IGSF11: variants seen among roughly 807,000 people sequenced by gnomAD.
IGSF11 encodes immunoglobulin superfamily member 11.
A neutral mutation model predicts 41.0 loss-of-function variants in IGSF11; 22 were observed. That is an observed-to-expected ratio of 0.54 (90% CI 0.38 to 0.77). The LOEUF (loss-of-function observed/expected upper bound fraction) is 0.77, where lower values mean the gene tolerates loss of function less well. IGSF11 is among the 30% of genes least tolerant of loss of function. The probability of loss-of-function intolerance (pLI) is 0.00; values close to 1 mark genes in which losing one functional copy is unlikely to be tolerated. For missense variants in IGSF11, 444 were observed against 530.8 expected (o/e 0.84, Z 1.61); for synonymous variants, 219 against 201.3 (o/e 1.09, Z -0.74).
chr3:118,997,614 T>A (rs1390333145), intron 1 of IGSF11, among the ~76,000 whole-genome samples: 1 of 141,422 alleles, frequency 7.1e-6, no homozygotes, highest in African/African-American at 2.6e-5. Context: ...TAATCATGAA[T>A]CTTACCTGAC....
chr3:119,123,473 C>T (rs755598261), intron 1 of IGSF11, among the ~76,000 whole-genome samples: 4 of 152,228 alleles, frequency 2.6e-5, no homozygotes, highest in Non-Finnish European at 5.9e-5. Context: ...CCGCTTGCCA[C>T]CTGCTGATTG....
intron 4 of IGSF11, among the ~76,000 whole-genome samples, chr3:118,916,687 A>G (rs990303492): frequency 1.3e-5 from 2 of 151,968 alleles, no homozygotes; most frequent in African/African-American, 2.4e-5. Context: ...TGTCAACATT[A>G]GACAGATCAA....
chr3:118,970,706 T>C (rs1933293202), intron 1 of IGSF11, among the ~76,000 whole-genome samples: 1 of 150,202 alleles, frequency 6.7e-6, no homozygotes, highest in African/African-American at 2.5e-5. Context: ...CTCATTACTG[T>C]GGTTTTCAAA....
intron 1 of IGSF11, among the ~76,000 whole-genome samples, chr3:118,963,687 G>T (rs2107605666): frequency 6.6e-6 from 1 of 152,252 alleles, no homozygotes; most frequent in Admixed American, 6.5e-5. Flanking sequence ...GATGTATTCA[G>T]AAATACTTAG....
intron 1 of IGSF11, among the ~76,000 whole-genome samples, chr3:118,942,051 G>A (rs1236841852): frequency 5.3e-5 from 8 of 152,150 alleles, no homozygotes; most frequent in Admixed American, 2.0e-4. Flanking sequence ...TGTACATCAC[G>A]GTTATGGTAG....
chr3:118,912,570 A>G lies in IGSF11; in HGVS notation c.581-6852T>C, dbSNP rs1249390137. Among the ~76,000 whole-genome samples the G allele has an allele frequency of 3.3e-5, 5 of 152,002 alleles. No homozygotes were observed. The East Asian group carries it at 9.6e-4, about 29-fold the overall frequency. ...TTGCTCATCCCTTCATCTTCCCAAA[A>G]CCTCTAGAGCTGTTGGCAGAAACAA... On this transcript the variant is annotated intron_variant, in intron 4 of 6. Transcript: ENST00000393775.
intron 1 of IGSF11, among the ~76,000 whole-genome samples, chr3:119,073,600 G>A (rs745730284): frequency 1.1e-4 from 17 of 152,268 alleles, no homozygotes; most frequent in Admixed American, 5.9e-4. Flanking sequence ...CCGGTGGGCC[G>A]GCAGTGCTGG....
At chr3:119,105,418 C>T (rs961679003), upstream of IGSF11, among the ~76,000 whole-genome samples, 1 of 151,988 alleles carries the variant, frequency 6.6e-6, no homozygotes, top group Non-Finnish European at 1.5e-5. Flanking sequence ...TAAAGCTACC[C>T]CAAACTAGAT....
At chr3:118,970,385 T>C (rs757286430) in intron 1 of IGSF11, among the ~76,000 whole-genome samples, 10 of 152,136 alleles carry the variant, frequency 6.6e-5, no homozygotes, top group Admixed American at 1.3e-4. Context: ...AAAGAGGACC[T>C]GAACTAGGGG....
chr3:119,117,295 A>T (rs183161595), intron 1 of IGSF11, among the ~76,000 whole-genome samples: 5 of 152,250 alleles, frequency 3.3e-5, no homozygotes, highest in African/African-American at 1.2e-4. Flanking sequence ...AAACTAGGTA[A>T]TTTATACAGG....
At chr3:119,059,612 G>A (rs1941990302) in intron 1 of IGSF11, among the ~76,000 whole-genome samples, 1 of 151,906 alleles carries the variant, frequency 6.6e-6, no homozygotes, top group African/African-American at 2.4e-5. Flanking sequence ...GAAGGGAAAG[G>A]GTATTGGTGG....
chr3:119,034,945 G>T, upstream of IGSF11: 1 of 679,456 alleles, frequency 1.5e-6, no homozygotes, highest in Admixed American at 5.7e-5. Flanking sequence ...CACTCGCCCC[G>T]CTTGGTCTCC....
Position 118,931,881 on chromosome 3 carries a change from C to T in IGSF11, c.53-1606G>A, listed in dbSNP as rs189868538. On this transcript the variant is annotated intron_variant, in intron 1 of 6. Transcript: ENST00000393775. The stretch of plus-strand genomic sequence containing the variant: ...CCAAGTAGATGGGACTACAGGCGCC[C>T]GCCACCATGCCCAGCTAATTTTTTT... Among the ~76,000 whole-genome samples the T allele has an allele frequency of 3.0e-3, 455 of 152,130 alleles. 10 individuals are homozygous for T. The highest frequency in any genetic ancestry group is 0.028 in the Admixed American group (429 of 15,286).
At chr3:118,996,289 G>A (rs1176108969) in intron 1 of IGSF11, among the ~76,000 whole-genome samples, 1 of 152,184 alleles carries the variant, frequency 6.6e-6, no homozygotes, top group Non-Finnish European at 1.5e-5. Context: ...TGAGACAGAA[G>A]CCTCAGAATC....
upstream of IGSF11, among the ~76,000 whole-genome samples, chr3:119,106,176 T>C (rs2077019525): frequency 6.6e-6 from 1 of 152,214 alleles, no homozygotes; most frequent in Non-Finnish European, 1.5e-5. Flanking sequence ...GGCATATCCA[T>C]CACCTCAAGC....
At chr3:119,045,292 G>C (rs932258703) in intron 1 of IGSF11, among the ~76,000 whole-genome samples, 2 of 152,206 alleles carry the variant, frequency 1.3e-5, no homozygotes, top group African/African-American at 4.8e-5. Context: ...TGCGTGCACC[G>C]TGCACGAGCC....
intron 1 of IGSF11, among the ~76,000 whole-genome samples, chr3:119,015,748 T>TAAA (rs11320585): frequency 2.1e-5 from 3 of 142,360 alleles, no homozygotes; most frequent in African/African-American, 7.7e-5. Flanking sequence ...GAATAAATGC[T>TAAA]AAAAAAAAAA....
intron 1 of IGSF11, among the ~76,000 whole-genome samples, chr3:119,118,639 G>T (rs1042242390): frequency 1.3e-5 from 2 of 152,126 alleles, no homozygotes; most frequent in Non-Finnish European, 2.9e-5. Context: ...CATTACTTAT[G>T]CAAATTTCTG....
intron 2 of IGSF11, among the ~76,000 whole-genome samples, chr3:118,928,936 C>T (rs1184303566): frequency 6.6e-6 from 1 of 151,980 alleles, no homozygotes. Flanking sequence ...TTTTTCCTTA[C>T]CTAACACATC....
Sources: gnomAD v4.1 joint callset for allele counts (sites outside exome capture counted in the v4.1 genomes callset) on GRCh38, gnomAD v4.1.1 for gene constraint, MANE v1.5 for transcripts, NCBI Gene and HGNC (gene_info 2026-07-23, HGNC 2026-07-21) for gene names.